The following RBFOX1 variants were observed in gnomAD, a reference collection of about 807,000 sequenced individuals.
The protein encoded by RBFOX1 is RNA binding protein fox-1 homolog 1.
Under a neutral mutation model 57.7 loss-of-function variants are expected in RBFOX1, and 8 were observed. That is an observed-to-expected ratio of 0.14 (90% CI 0.08 to 0.25). The LOEUF is 0.25. RBFOX1 is among the 10% of genes least tolerant of loss of function. RBFOX1 has a pLI of 1.00. For synonymous variants in RBFOX1, 326 were observed against 222.4 expected (o/e 1.47, Z -4.15); for missense variants, 611 against 548.5 (o/e 1.11, Z -1.14).
intron 2 of RBFOX1, among the ~76,000 whole-genome samples, chr16:6,492,346 G>T (rs11640093): frequency 6.6e-6 from 1 of 151,942 alleles, no homozygotes; most frequent in Non-Finnish European, 1.5e-5. Context: ...AAGGAAGGAG[G>T]ATCATGAGGT....
At chr16:5,649,071 AAT>A (rs1039904287) in intron 3 of RBFOX1, among the ~76,000 whole-genome samples, 2 of 152,152 alleles carry the variant, frequency 1.3e-5, no homozygotes, top group African/African-American at 2.4e-5. Flanking sequence ...ATCAAAAAAA[AAT>A]ATATATCAGA....
At chr16:7,033,695 C>T (rs886812034) in intron 3 of RBFOX1, among the ~76,000 whole-genome samples, 5 of 152,116 alleles carry the variant, frequency 3.3e-5, no homozygotes, top group South Asian at 2.1e-4. Flanking sequence ...CCCTATTGAA[C>T]AGTAGAAAGA....
intron 3 of RBFOX1, among the ~76,000 whole-genome samples, chr16:6,927,945 C>T (rs1788744581): frequency 6.6e-6 from 1 of 152,142 alleles, no homozygotes; most frequent in Non-Finnish European, 1.5e-5. Flanking sequence ...TGGTCATAAT[C>T]TTGAAGGTAG....
chr16:7,521,069 A>T (rs60488866), intron 5 of RBFOX1, among the ~76,000 whole-genome samples: 11,739 of 147,760 alleles, frequency 0.079, 1,185 homozygotes, highest in African/African-American at 0.25. Flanking sequence ...TAGGAAAATT[A>T]AAAAAGAACA....
intron 4 of RBFOX1, among the ~76,000 whole-genome samples, chr16:7,215,978 C>G (rs1231924304): frequency 6.6e-6 from 1 of 152,166 alleles, no homozygotes; most frequent in African/African-American, 2.4e-5. Context: ...ACGCCTCGGC[C>G]TCCCAAAGTG....
chr16:5,484,709 G>A (rs1172982291), intron 2 of RBFOX1, among the ~76,000 whole-genome samples: 11 of 150,010 alleles, frequency 7.3e-5, no homozygotes, highest in Admixed American at 2.7e-4. Flanking sequence ...TCAGGAGATC[G>A]AAACCATCCT....
chr16:5,305,130 G>A (rs760779986), intron 1 of RBFOX1, among the ~76,000 whole-genome samples: 6 of 152,120 alleles, frequency 3.9e-5, no homozygotes, highest in East Asian at 1.9e-4. Context: ...AAGTCTGAAC[G>A]GGTAGCCTTA....
chr16:7,377,808 A>T (rs1026714876), intron 4 of RBFOX1, among the ~76,000 whole-genome samples: 1 of 152,206 alleles, frequency 6.6e-6, no homozygotes. Flanking sequence ...TAGGTGGTAA[A>T]CAAATAAGAA....
chr16:7,307,232 C>G (rs544466934), intron 4 of RBFOX1, among the ~76,000 whole-genome samples: 2 of 152,290 alleles, frequency 1.3e-5, no homozygotes, highest in South Asian at 4.1e-4. Flanking sequence ...GTATATTTTT[C>G]TGGAATGCAG....
chr16:6,200,735 G>A (rs752082450), intron 1 of RBFOX1, among the ~76,000 whole-genome samples: 2 of 152,172 alleles, frequency 1.3e-5, no homozygotes, highest in Non-Finnish European at 2.9e-5. Flanking sequence ...GTTGTGTCTT[G>A]TGTGTTATTG....
intron 2 of RBFOX1, chr16:6,483,717 G>A: frequency 7.0e-7 from 1 of 1,422,658 alleles, no homozygotes; most frequent in Non-Finnish European, 9.2e-7. Context: ...GGAGGAGTGT[G>A]CAAATTGACA....
chr16:6,808,178 G>GTGTGTGTGTGTGTGTGTGTGTGTA (rs1318609964), intron 3 of RBFOX1, among the ~76,000 whole-genome samples: 1 of 145,544 alleles, frequency 6.9e-6, no homozygotes, highest in African/African-American at 2.6e-5. Context: ...GTGTGTGTGT[G>GTGTGTGTGTGTGTGTGTGTGTGTA]TATATATATA....
chr16:7,309,249 G>T (rs916379172), intron 4 of RBFOX1, among the ~76,000 whole-genome samples: 2 of 152,232 alleles, frequency 1.3e-5, no homozygotes, highest in African/African-American at 2.4e-5. Flanking sequence ...GCTGTTATCA[G>T]CCAGGTAAGG....
intron 3 of RBFOX1, among the ~76,000 whole-genome samples, chr16:6,766,655 A>T (rs113439671): frequency 2.0e-5 from 3 of 152,014 alleles, no homozygotes; most frequent in African/African-American, 4.8e-5. Context: ...TTTAAATTCT[A>T]TCTAATTAGC....
intron 2 of RBFOX1, among the ~76,000 whole-genome samples, chr16:6,389,043 A>T (rs2092454703): frequency 6.6e-6 from 1 of 152,128 alleles, no homozygotes; most frequent in African/African-American, 2.4e-5. Context: ...TAAACTAGTA[A>T]ATTCCCTTTT....
chr16:6,928,083 T>G (rs961553311), intron 3 of RBFOX1, among the ~76,000 whole-genome samples: 1 of 152,166 alleles, frequency 6.6e-6, no homozygotes, highest in Non-Finnish European at 1.5e-5. Flanking sequence ...TGGGAGCTGC[T>G]TCTTTACTTT....
chr16:5,625,535 G>T (rs1042013590), intron 3 of RBFOX1, among the ~76,000 whole-genome samples: 64 of 143,066 alleles, frequency 4.5e-4, no homozygotes, highest in African/African-American at 1.4e-3. Flanking sequence ...AATATTTTTT[G>T]TTATTTATTT....
chr16:7,011,475 G>T (rs8055019), intron 3 of RBFOX1, among the ~76,000 whole-genome samples: 2,518 of 152,118 alleles, frequency 0.017, 78 homozygotes, highest in African/African-American at 0.057. Flanking sequence ...TGTTTTTGTT[G>T]TGTGTGTTTG....
intron 3 of RBFOX1, among the ~76,000 whole-genome samples, chr16:5,653,978 C>A (rs560301631): frequency 6.6e-6 from 1 of 152,310 alleles, no homozygotes; most frequent in African/African-American, 2.4e-5. Flanking sequence ...TCTGGTCGGC[C>A]ACTCACGCAG....
Sources: allele counts gnomAD v4.1 joint callset (sites outside exome capture counted in the v4.1 genomes callset), GRCh38; gene constraint gnomAD v4.1.1; transcripts MANE v1.5; gene names NCBI Gene and HGNC (gene_info 2026-07-23, HGNC 2026-07-21).